VIT: variants seen among roughly 807,000 people sequenced by gnomAD.
The protein encoded by VIT is vitrin.
Under a neutral mutation model 78.0 loss-of-function variants are expected in VIT, and 99 were observed. The ratio of observed to expected loss-of-function variants is 1.27; its 90% CI spans 1.08 to 1.50. The LOEUF is 1.50. Ranked by LOEUF, VIT falls within the 40% of genes most tolerant of loss-of-function variation. The pLI is 0.00. For synonymous variants in VIT, 374 were observed against 334.3 expected (o/e 1.12, Z -1.29); for missense variants, 1,126 against 875.3 (o/e 1.29, Z -3.61).
chr2:36,697,264 GAC>G (rs1328555980), intron 1 of VIT, among the ~76,000 whole-genome samples: 1 of 152,150 alleles, frequency 6.6e-6, no homozygotes. Context: ...TGAAAAGTAT[GAC>G]ATTTGTGTAG....
At chr2:36,775,089 A>T in intron 9 of VIT, 22 bp downstream of exon 9, 1 of 1,612,936 alleles carries the variant, frequency 6.2e-7, no homozygotes, top group Non-Finnish European at 8.5e-7. Context: ...ACTGCTTACC[A>T]TCTCTGCTCC....
At chr2:36,728,211 G>A (rs892106427) in intron 2 of VIT, among the ~76,000 whole-genome samples, 2 of 151,970 alleles carry the variant, frequency 1.3e-5, no homozygotes, top group East Asian at 1.9e-4. Flanking sequence ...GATTACAGGC[G>A]TGAGCCACCA....
chr2:36,704,530 G>C (rs188197986), intron 1 of VIT, among the ~76,000 whole-genome samples: 6 of 152,292 alleles, frequency 3.9e-5, no homozygotes, highest in Admixed American at 6.5e-5. Flanking sequence ...TCAGAGCAGG[G>C]ATTGTTCCCA....
At chr2:36,722,563 A>G (rs1350357326) in intron 2 of VIT, among the ~76,000 whole-genome samples, 1 of 152,266 alleles carries the variant, frequency 6.6e-6, no homozygotes, top group Non-Finnish European at 1.5e-5. Context: ...AACCTGAACT[A>G]TGTTTAAAGG....
intron 4 of VIT, among the ~76,000 whole-genome samples, chr2:36,745,128 G>A (rs968865234): frequency 6.6e-6 from 1 of 152,098 alleles, no homozygotes; most frequent in African/African-American, 2.4e-5. Flanking sequence ...GATAGTTGCA[G>A]GTGTATGGCT....
Position 36,808,850 on chromosome 2 carries a change from G to A in VIT, c.1768G>A (p.Gly590Arg). Reference sequence around the variant, plus strand: ...CTACTGGAGTGGTGGCACCAGCACGGGGGCTGCCATCAACTTCGCCCTGGA... The same window carrying A: ...CTACTGGAGTGGTGGCACCAGCACGAGGGCTGCCATCAACTTCGCCCTGGA... ...VGYWSGGTSTGAAINFALEQL... is the reference protein window; with the variant it reads ...VGYWSGGTSTRAAINFALEQL... The change falls in exon 15 of 16, where the codon GGG becomes AGG. Residue 590 changes from glycine (G) to arginine (R), a missense_variant. Physicochemically the swap from Gly to Arg is moderately radical, Grantham distance 125. Transcript: ENST00000379242. 3.1e-6 allele frequency: 5 copies of A among 1,614,200 alleles called. No individual in the cohort carries two copies. Among genetic ancestry groups the A allele is most frequent in the Non-Finnish European group, 4.2e-6 (5 of 1,180,028 alleles).
intron 8 of VIT, 33 bp downstream of exon 8, chr2:36,773,880 T>TG (rs1669904263): frequency 3.2e-6 from 5 of 1,571,626 alleles, no homozygotes; most frequent in Non-Finnish European, 4.3e-6. Flanking sequence ...CAGCCACTGA[T>TG]GAAAGTTAAG....
intron 6 of VIT, among the ~76,000 whole-genome samples, chr2:36,763,008 G>T (rs545317037): frequency 7.2e-4 from 109 of 152,140 alleles, no homozygotes; most frequent in African/African-American, 2.6e-3. Context: ...CTTTGTAGAA[G>T]TTTTTTTAAA....
intron 7 of VIT, among the ~76,000 whole-genome samples, chr2:36,771,480 C>T (rs550826139): frequency 6.8e-6 from 1 of 146,842 alleles, no homozygotes; most frequent in African/African-American, 2.6e-5. Context: ...GAGCCGAGGT[C>T]GTGCCACTGC....
intron 12 of VIT, among the ~76,000 whole-genome samples, chr2:36,794,935 A>G (rs1256301292): frequency 6.6e-6 from 1 of 152,202 alleles, no homozygotes; most frequent in Non-Finnish European, 1.5e-5. Flanking sequence ...TGGATTCATC[A>G]TCTAGGATGT....
At chr2:36,775,843 T>C (rs1670014480) in intron 9 of VIT, among the ~76,000 whole-genome samples, 1 of 152,086 alleles carries the variant, frequency 6.6e-6, no homozygotes. Context: ...GCTATGAAGC[T>C]CCATTATGGC....
chr2:36,699,980 C>T (rs1211277628), intron 1 of VIT, among the ~76,000 whole-genome samples: 1 of 151,336 alleles, frequency 6.6e-6, no homozygotes, highest in African/African-American at 2.4e-5. Context: ...CCCCACAGAG[C>T]TGTGGCAAAG....
chr2:36,702,547 C>T (rs971064663), intron 1 of VIT, among the ~76,000 whole-genome samples: 6 of 152,176 alleles, frequency 3.9e-5, no homozygotes, highest in African/African-American at 9.7e-5. Flanking sequence ...CACATCCAGG[C>T]TTGCTTTCTG....
chr2:36,806,707 C>A lies in VIT; in HGVS notation c.1389+1043C>A, dbSNP rs867931035. Among the ~76,000 whole-genome samples, 10 of 152,198 alleles carry A rather than the reference C, an allele frequency of 6.6e-5. No homozygotes were observed. The South Asian group carries it at 2.1e-3, about 32-fold the overall frequency. ...GACTACAGGCACACACCACCACGCC[C>A]AGCTAGTTTTTTTATTTTATTTTAT... On this transcript the variant is annotated intron_variant, in intron 14 of 15. Coordinates refer to ENST00000379242, the MANE Select transcript of VIT (RefSeq NM_053276.4).
intron 6 of VIT, among the ~76,000 whole-genome samples, chr2:36,760,244 C>T (rs372197055): frequency 8.6e-4 from 131 of 152,236 alleles, no homozygotes; most frequent in Non-Finnish European, 1.1e-3. Context: ...CCTCCCGCCT[C>T]GGCCTTCCAA....
intron 5 of VIT, among the ~76,000 whole-genome samples, chr2:36,758,404 A>AT (rs527502298): frequency 8.5e-5 from 13 of 152,146 alleles, no homozygotes; most frequent in Admixed American, 3.9e-4. Flanking sequence ...TTTTATGCTT[A>AT]TTTTTTTCCC....
At chr2:36,798,814 G>A (rs150188051) in intron 12 of VIT, among the ~76,000 whole-genome samples, 63 of 152,166 alleles carry the variant, frequency 4.1e-4, no homozygotes, top group Non-Finnish European at 2.1e-4. Flanking sequence ...CCTAGAACCC[G>A]AGGGGAAGAA....
intron 9 of VIT, among the ~76,000 whole-genome samples, chr2:36,775,523 G>A (rs1360674803): frequency 6.6e-6 from 1 of 152,156 alleles, no homozygotes; most frequent in Non-Finnish European, 1.5e-5. Context: ...TTTCAATGCT[G>A]TATTCTGCTG....
chr2:36,792,631 C>A (rs1229012515), intron 12 of VIT, among the ~76,000 whole-genome samples: 1 of 152,154 alleles, frequency 6.6e-6, no homozygotes, highest in Non-Finnish European at 1.5e-5. Context: ...TCAGTTAAAT[C>A]AGATTTTCTG....
Sources: gnomAD v4.1 joint callset for allele counts (sites outside exome capture counted in the v4.1 genomes callset) on GRCh38, gnomAD v4.1.1 for gene constraint, MANE v1.5 for transcripts, NCBI Gene and HGNC (gene_info 2026-07-23, HGNC 2026-07-21) for gene names.